Variants in DIS3L2 observed in about 807,000 individuals in gnomAD.
DIS3L2 encodes DIS3-like exonuclease 2.
DIS3L2 carries 34 observed loss-of-function variants against 97.5 expected under a neutral mutation model. The observed-to-expected ratio is 0.35, with a 90% CI of 0.27 to 0.46. DIS3L2 has a LOEUF of 0.46. Among genes scored for constraint, DIS3L2 ranks in the 20% least tolerant of loss-of-function variants. DIS3L2 has a pLI of 1.00. For synonymous variants in DIS3L2, 435 were observed against 445.2 expected, an observed-to-expected ratio of 0.98 and a Z score of 0.29; for missense variants, 1,038 against 1,146.0, an observed-to-expected ratio of 0.91 and a Z score of 1.36.
Position 232,030,050 on chromosome 2 carries a change from C to T in DIS3L2, c.336C>T (p.Val112=), listed in dbSNP as rs755653632. 34 of 1,610,350 alleles carry T rather than the reference C, an allele frequency of 2.1e-5. No homozygotes were observed. Among genetic ancestry groups the T allele is most frequent in the Middle Eastern group, 1.6e-4 (1 of 6,068 alleles). ...RNRALNGDLV[V]VKLLPEEHWK... is the part of the protein sequence containing the mutation. Reference sequence around the variant, plus strand: ...GAGCCTTAAATGGGGATCTGGTGGTCGTGAAACTGCTTCCCGAGGAGCATT... The same window carrying T: ...GAGCCTTAAATGGGGATCTGGTGGTTGTGAAACTGCTTCCCGAGGAGCATT... The change falls in exon 5 of 21, where the codon GTC becomes GTT. Residue 112 remains valine, a synonymous_variant. Coordinates refer to ENST00000325385, the MANE Select transcript of DIS3L2 (RefSeq NM_152383.5).
intron 10 of DIS3L2, among the ~76,000 whole-genome samples, chr2:232,230,985 T>C (rs1692773621): frequency 6.6e-6 from 1 of 152,188 alleles, no homozygotes; most frequent in South Asian, 2.1e-4. Context: ...CATGGTCTTT[T>C]TTAGACCCAC....
intron 14 of DIS3L2, among the ~76,000 whole-genome samples, chr2:232,304,588 C>T (rs1249858772): frequency 1.3e-5 from 2 of 152,170 alleles, no homozygotes; most frequent in East Asian, 1.9e-4. Context: ...TCAGAAGGCT[C>T]CTTTCTCTCC....
chr2:232,334,958 A>G lies in DIS3L2; in HGVS notation c.2394+223A>G. 3.5e-5 allele frequency: 19 copies of G among 548,406 alleles called. 1 individual carries two copies. In the South Asian group the frequency reaches 3.7e-4, roughly 11 times the overall value. 34.0% of individuals were successfully genotyped at this position (548,406 alleles called of 1,614,324 possible). On this transcript the variant is annotated intron_variant, in intron 19 of 20. Transcript: ENST00000325385. Reference sequence around the variant, plus strand: ...CCTTCCCCAAGGACCCAGGAACCAGAGAGCAGGCCCCTCCATGGCCAGTAC... The same window carrying G: ...CCTTCCCCAAGGACCCAGGAACCAGGGAGCAGGCCCCTCCATGGCCAGTAC...
At chr2:232,046,944 G>GC (rs1285144084) in intron 5 of DIS3L2, among the ~76,000 whole-genome samples, 3 of 152,128 alleles carry the variant, frequency 2.0e-5, no homozygotes, top group Admixed American at 6.5e-5. Context: ...GAGCCACCAT[G>GC]CCCAGCCTTG....
At chr2:232,101,855 C>A (rs1697212979) in intron 6 of DIS3L2, among the ~76,000 whole-genome samples, 1 of 152,138 alleles carries the variant, frequency 6.6e-6, no homozygotes. Flanking sequence ...GTTCTCTAAC[C>A]CTGAGTTTAA....
intron 9 of DIS3L2, chr2:232,172,509 A>AT (rs1221247932): frequency 2.8e-6 from 1 of 356,052 alleles, no homozygotes; most frequent in Non-Finnish European, 5.7e-6. Context: ...ATTCTGTTGT[A>AT]TGGATATTTC....
At chr2:232,341,926 G>C, downstream of DIS3L2, among the ~76,000 whole-genome samples, 1 of 152,228 alleles carries the variant, frequency 6.6e-6, no homozygotes, top group East Asian at 1.9e-4. Flanking sequence ...CAGCCACGCA[G>C]ACCCCCAACC....
chr2:232,004,377 T>A (rs1204236420), intron 1 of DIS3L2, among the ~76,000 whole-genome samples: 5 of 152,080 alleles, frequency 3.3e-5, no homozygotes, highest in Non-Finnish European at 5.9e-5. Context: ...CCAATTACCT[T>A]TATGTTTGAC....
chr2:232,337,502 A>G (rs796928444), downstream of DIS3L2, among the ~76,000 whole-genome samples: 4 of 152,120 alleles, frequency 2.6e-5, no homozygotes, highest in African/African-American at 9.6e-5. Context: ...TGCTGGTGAC[A>G]CAGCCTGGGT....
intron 13 of DIS3L2, among the ~76,000 whole-genome samples, chr2:232,279,906 T>C (rs1284697586): frequency 1.1e-4 from 16 of 152,218 alleles, no homozygotes; most frequent in Non-Finnish European, 4.4e-5. Context: ...CTCCTAGTCT[T>C]TGGCTTGTCA....
rs1222512528 is a variant in DIS3L2, at chr2:232,169,283, T to C, written c.1124+5651T>C. Among the ~76,000 whole-genome samples, 12 of 152,166 alleles carry C rather than the reference T, an allele frequency of 7.9e-5. 1 individual carries two copies. The highest frequency in any genetic ancestry group is 6.5e-4 in the Admixed American group (10 of 15,272). On this transcript the variant is annotated intron_variant, in intron 9 of 20. Coordinates refer to ENST00000325385, the MANE Select transcript of DIS3L2 (RefSeq NM_152383.5). ...GTAAACTAATAAAATCAAACCTTTT[T>C]CAAACATTTATTTGCACATATTGTT... is the stretch of plus-strand genomic sequence containing the variant.
At chr2:232,208,674 T>G (rs1360161314) in intron 9 of DIS3L2, among the ~76,000 whole-genome samples, 6 of 152,210 alleles carry the variant, frequency 3.9e-5, no homozygotes, top group Admixed American at 1.3e-4. Flanking sequence ...TAATTTTTGT[T>G]GCTAAATACT....
At chr2:232,306,953 C>A (rs1172488682) in intron 14 of DIS3L2, among the ~76,000 whole-genome samples, 2 of 152,262 alleles carry the variant, frequency 1.3e-5, no homozygotes, top group Non-Finnish European at 2.9e-5. Context: ...CCCTCTTTCC[C>A]AGAACCCCGT....
intron 8 of DIS3L2, among the ~76,000 whole-genome samples, chr2:232,142,872 GT>G (rs1291155559): frequency 6.6e-6 from 1 of 152,174 alleles, no homozygotes; most frequent in Non-Finnish European, 1.5e-5. Context: ...ATGTTTGATT[GT>G]TCCCCACTTG....
At chr2:232,131,169 A>G (rs1296473273) in intron 7 of DIS3L2, 1 of 153,922 alleles carries the variant, frequency 6.5e-6, no homozygotes, top group Non-Finnish European at 1.4e-5. Context: ...TTTCCAAAGT[A>G]TTCAATTTAG....
intron 1 of DIS3L2, among the ~76,000 whole-genome samples, chr2:231,968,614 A>C (rs925684817): frequency 1.3e-5 from 2 of 152,194 alleles, no homozygotes; most frequent in African/African-American, 4.8e-5. Context: ...TTACCTACCA[A>C]TGGACATGTT....
chr2:232,181,784 GCAT>G (rs1164224081), intron 9 of DIS3L2, among the ~76,000 whole-genome samples: 2 of 151,838 alleles, frequency 1.3e-5, no homozygotes, highest in Non-Finnish European at 2.9e-5. Context: ...ATACAGGCGT[GCAT>G]CATCACACCC....
chr2:232,001,662 A>G (rs575016259), intron 1 of DIS3L2, among the ~76,000 whole-genome samples: 42 of 114,164 alleles, frequency 3.7e-4, no homozygotes, highest in African/African-American at 1.4e-3. Flanking sequence ...ATTTAACTCC[A>G]TGTTTTTTCC....
chr2:232,243,774 C>T (rs1693171673), intron 11 of DIS3L2, among the ~76,000 whole-genome samples: 1 of 152,122 alleles, frequency 6.6e-6, no homozygotes, highest in Non-Finnish European at 1.5e-5. Flanking sequence ...AGTTAGCTTC[C>T]CACTGTTATC....
Sources: allele counts gnomAD v4.1 joint callset (sites outside exome capture counted in the v4.1 genomes callset), GRCh38; gene constraint gnomAD v4.1.1; transcripts MANE v1.5; gene names NCBI Gene and HGNC (gene_info 2026-07-23, HGNC 2026-07-21).